HTN1: variants seen among roughly 807,000 people sequenced by gnomAD.
HTN1 encodes the protein histatin 1, also known as histatin-1.
A neutral mutation model predicts 11.2 loss-of-function variants in HTN1; 18 were observed. The ratio of observed to expected loss-of-function variants is 1.61; its 90% CI spans 1.12 to 2.39. The LOEUF is 2.39. HTN1 is among the 30% of genes most tolerant of loss of function. The pLI is 0.00. For missense variants in HTN1, 80 were observed against 67.2 expected (o/e 1.19, Z -0.67); for synonymous variants, 21 against 20.5 (o/e 1.02, Z -0.07).
At chr4:70,051,731 T>C (rs1725899164) in intron 1 of HTN1, among the ~76,000 whole-genome samples, 3 of 152,112 alleles carry the variant, frequency 2.0e-5, no homozygotes, top group Non-Finnish European at 4.4e-5. Flanking sequence ...AATAATATGG[T>C]AAATGCCATA....
At chr4:70,054,767 G>A (rs1725990709) in intron 4 of HTN1, among the ~76,000 whole-genome samples, 1 of 151,950 alleles carries the variant, frequency 6.6e-6, no homozygotes, top group South Asian at 2.1e-4. Context: ...TATAACATAT[G>A]CTTAATAAAG....
rs750577749 is a variant in HTN1 at position 70,053,078 on chromosome 4, TGAA to T, written c.4_6del (p.Lys2?). The T allele has an allele frequency of 6.2e-7, 1 of 1,606,856 alleles. No homozygotes were observed. The highest frequency in any genetic ancestry group is 2.2e-5 in the East Asian group (1 of 44,832). On this transcript the variant is annotated start_lost and inframe_deletion, in exon 2 of 6. Coordinates refer to ENST00000246896, the MANE Select transcript of HTN1 (RefSeq NM_002159.4). The stretch of plus-strand genomic sequence containing the variant: ...TGATTTTATAGGACTCAGCCAACTA[TGAA>T]GTTTTTTGTCTTTGCTTTAGTCTTG...
intron 5 of HTN1, chr4:70,057,409 G>GGAC (rs1726071188): frequency 6.6e-6 from 1 of 151,826 alleles, no homozygotes; most frequent in Non-Finnish European, 1.5e-5. Flanking sequence ...AGGTAACAGA[G>GGAC]GACTGATCAA....
At chr4:70,057,105 T>C (rs1354392802) in intron 5 of HTN1, 1 of 152,232 alleles carries the variant, frequency 6.6e-6, no homozygotes, top group Non-Finnish European at 1.5e-5. Flanking sequence ...ATTGCAGCAC[T>C]ATTTACAATA....
chr4:70,055,428 T>C (rs761278274), intron 4 of HTN1, 70 bp from the exon 5 acceptor site: 32 of 1,116,412 alleles, frequency 2.9e-5, no homozygotes, highest in Non-Finnish European at 4.4e-5. Flanking sequence ...TTAATGACAG[T>C]TTTTGAGAAA....
chr4:70,051,271 C>T lies in HTN1; in HGVS notation c.-14+776C>T, dbSNP rs545231225. Among the ~76,000 whole-genome samples, 6 of 151,894 alleles carry T rather than the reference C, an allele frequency of 4.0e-5. No homozygotes were observed. In the South Asian group the frequency reaches 1.2e-3, roughly 32 times the overall value. The stretch of plus-strand genomic sequence containing the variant: ...TTTATTACTTTTTTATTGACCTTTC[C>T]ATCATTTAAAACAGTGCTGTTATAA... On this transcript the variant is annotated intron_variant, in intron 1 of 5. Coordinates refer to ENST00000246896, the MANE Select transcript of HTN1 (RefSeq NM_002159.4).
At chr4:70,054,183 A>T in intron 2 of HTN1, 139 bp from the exon 3 acceptor site, 1 of 532,024 alleles carries the variant, frequency 1.9e-6, no homozygotes, top group Non-Finnish European at 3.3e-6. Flanking sequence ...TAAAGCTAAA[A>T]TAACTAATTT....
intron 5 of HTN1, chr4:70,057,038 A>G (rs1364770446): frequency 6.6e-6 from 1 of 152,210 alleles, no homozygotes; most frequent in Admixed American, 6.6e-5. Flanking sequence ...ATGACTGGGT[A>G]TATACCCAAA....
chr4:70,053,752 C>T (rs950066925), intron 2 of HTN1, among the ~76,000 whole-genome samples: 2 of 152,064 alleles, frequency 1.3e-5, no homozygotes, highest in African/African-American at 4.8e-5. Context: ...CCTCCTCCTC[C>T]TCCTCCTCTT....
chr4:70,054,064 CAG>C (rs1423309999), intron 2 of HTN1, among the ~76,000 whole-genome samples: 1 of 152,062 alleles, frequency 6.6e-6, no homozygotes, highest in Non-Finnish European at 1.5e-5. Flanking sequence ...TCACCAGTGA[CAG>C]ACTTTTCCTG....
chr4:70,053,001 G>C, intron 1 of HTN1, 63 bp from the exon 2 acceptor site: 3 of 964,062 alleles, frequency 3.1e-6, no homozygotes, highest in Non-Finnish European at 3.4e-6. Flanking sequence ...GTCATCAATA[G>C]AAGTTTGATG....
chr4:70,052,466 A>G (rs760560141), intron 1 of HTN1, among the ~76,000 whole-genome samples: 5 of 152,032 alleles, frequency 3.3e-5, no homozygotes, highest in African/African-American at 4.8e-5. Flanking sequence ...TTGCATTTTT[A>G]ACATGCTTTC....
In HTN1 at chr4:70,051,979, T is replaced by C. The variant is rs188165208; in HGVS notation, c.-13-1085T>C. 1.2e-4 allele frequency among the ~76,000 whole-genome samples: 19 copies of C among 152,332 alleles called. No individual in the cohort carries two copies. In the East Asian group the frequency reaches 2.3e-3, roughly 19 times the overall value. ...TTGTATTTTCCAATGGAAATGCTTTTATTTACGTTTGTAATTTAGAAATAA... is the reference window on the plus strand; with the variant it reads ...TTGTATTTTCCAATGGAAATGCTTTCATTTACGTTTGTAATTTAGAAATAA... On this transcript the variant is annotated intron_variant, in intron 1 of 5. Coordinates refer to ENST00000246896, the MANE Select transcript of HTN1 (RefSeq NM_002159.4).
chr4:70,052,245 A>T (rs73823838), intron 1 of HTN1, among the ~76,000 whole-genome samples: 6,741 of 152,242 alleles, frequency 0.044, 505 homozygotes, highest in African/African-American at 0.15. Context: ...GGGTTACACC[A>T]TCTGTGGATT....
At chr4:70,051,299 C>T (rs1401515526) in intron 1 of HTN1, among the ~76,000 whole-genome samples, 2 of 151,964 alleles carry the variant, frequency 1.3e-5, no homozygotes, top group Non-Finnish European at 2.9e-5. Flanking sequence ...TGTTATAATG[C>T]AAAGCATATA....
chr4:70,058,409 A>G (rs1726097129), intron 5 of HTN1, 171 bp from the exon 6 acceptor site: 1 of 152,118 alleles, frequency 6.6e-6, no homozygotes, highest in Admixed American at 6.6e-5. Context: ...TTATTCTGAT[A>G]CCCACTTAAT....
At chr4:70,058,224 G>A (rs1304508782) in intron 5 of HTN1, 1 of 152,048 alleles carries the variant, frequency 6.6e-6, no homozygotes, top group Non-Finnish European at 1.5e-5. Context: ...TATCCTCCAG[G>A]TGTTAGATAA....
rs371461805 is a variant in HTN1 at position 70,055,516 on chromosome 4, C to T, written c.121C>T (p.Arg41Ter). 71 of 1,596,796 alleles carry T rather than the reference C, an allele frequency of 4.4e-5. No individual in the cohort carries two copies. The highest frequency in any genetic ancestry group is 4.1e-4 in the South Asian group (37 of 90,722). ...RKFHEKHHSH[R>*]EFPFYGDYGS... ...TATGCAGGAAAAGCATCATTCACAT[C>T]GAGAATTTCCATTTTATGGGGACTA... Residue 41 changes from arginine (R) to a stop codon, truncating the protein, a stop_gained, in exon 5 of 6, where the codon CGA becomes TGA. Transcript: ENST00000246896. LOFTEE classifies it high-confidence loss of function.
At chr4:70,058,045 T>A (rs187818155) in intron 5 of HTN1, 1 of 152,188 alleles carries the variant, frequency 6.6e-6, no homozygotes, top group Admixed American at 6.6e-5. Flanking sequence ...ATCTATGAGA[T>A]ACTAAAGATT....
Sources: allele counts gnomAD v4.1 joint callset (sites outside exome capture counted in the v4.1 genomes callset), GRCh38; gene constraint gnomAD v4.1.1; transcripts MANE v1.5; gene names NCBI Gene and HGNC (gene_info 2026-07-23, HGNC 2026-07-21).